Variants in SNRPN observed in about 807,000 individuals in gnomAD.
SNRPN encodes the protein small nuclear ribonucleoprotein polypeptide N.
In SNRPN, 7 loss-of-function variants were observed where a neutral mutation model predicts 25.2. The observed-to-expected ratio is 0.28, with a 90% CI of 0.16 to 0.52. SNRPN has a LOEUF of 0.52. Among genes scored for constraint, SNRPN ranks in the 20% least tolerant of loss-of-function variants. The probability of loss-of-function intolerance (pLI) is 0.96; values close to 1 mark genes in which losing one functional copy is unlikely to be tolerated. For missense variants in SNRPN, 196 were observed against 322.5 expected (o/e 0.61, Z 3.00); for synonymous variants, 124 against 110.6 (o/e 1.12, Z -0.76).
At chr15:24,962,824 CCATTAAAATTTTGATGG>C (rs2075042328) in intron 2 of SNRPN, among the ~76,000 whole-genome samples, 1 of 151,908 alleles carries the variant, frequency 6.6e-6, no homozygotes, top group South Asian at 2.1e-4. Context: ...TTTGTCATTG[CCATTAAAATTTTGATGG>C]CATTAAAATT....
intron 2 of SNRPN, among the ~76,000 whole-genome samples, chr15:24,897,358 G>T (rs912284720): frequency 2.0e-5 from 3 of 152,116 alleles, no homozygotes; most frequent in African/African-American, 7.2e-5. Flanking sequence ...AAACCAAGGT[G>T]GGGGGAATCA....
intron 2 of SNRPN, among the ~76,000 whole-genome samples, chr15:24,889,965 G>T (rs2057533761): frequency 6.7e-6 from 1 of 149,936 alleles, no homozygotes; most frequent in Non-Finnish European, 1.5e-5. Flanking sequence ...CAGGAGAATG[G>T]CTTGAACCCG....
At chr15:24,893,346 G>T (rs138841556) in intron 2 of SNRPN, among the ~76,000 whole-genome samples, 1 of 152,146 alleles carries the variant, frequency 6.6e-6, no homozygotes, top group Admixed American at 6.5e-5. Context: ...GCTGGGTGCC[G>T]TGGCTCATGC....
chr15:24,946,331 T>TG (rs2061881231), intron 3 of SNRPN, among the ~76,000 whole-genome samples: 1 of 152,074 alleles, frequency 6.6e-6, no homozygotes, highest in Admixed American at 6.6e-5. Flanking sequence ...AGCTTCAGCC[T>TG]AGGAGGTCGA....
chr15:24,900,490 C>A (rs1180566772), intron 2 of SNRPN, among the ~76,000 whole-genome samples: 1 of 152,154 alleles, frequency 6.6e-6, no homozygotes, highest in Non-Finnish European at 1.5e-5. Flanking sequence ...AAGAAAATAT[C>A]TTTCCCTTGC....
intron 3 of SNRPN, among the ~76,000 whole-genome samples, chr15:24,930,320 A>T (rs2060726804): frequency 6.6e-6 from 1 of 151,388 alleles, no homozygotes; most frequent in Admixed American, 6.6e-5. Flanking sequence ...CAATGATGAG[A>T]TGGAGAAATA....
chr15:24,949,628 G>A (rs1395020364), intron 3 of SNRPN, among the ~76,000 whole-genome samples: 1 of 152,108 alleles, frequency 6.6e-6, no homozygotes, highest in African/African-American at 2.4e-5. Context: ...TCCAGCCTGG[G>A]TGACAGAGTG....
intron 3 of SNRPN, among the ~76,000 whole-genome samples, chr15:24,942,056 G>T (rs1053313772): frequency 6.6e-6 from 1 of 152,136 alleles, no homozygotes; most frequent in Non-Finnish European, 1.5e-5. Flanking sequence ...GGGATTACAG[G>T]CATGAGCCAC....
chr15:24,933,653 G>C (rs983514856), intron 3 of SNRPN, among the ~76,000 whole-genome samples: 1 of 152,166 alleles, frequency 6.6e-6, no homozygotes, highest in Non-Finnish European at 1.5e-5. Context: ...TCACAGTCAA[G>C]GGAACTGAAC....
At chr15:24,958,030 G>A (rs538679941) in intron 1 of SNRPN, among the ~76,000 whole-genome samples, 5 of 152,218 alleles carry the variant, frequency 3.3e-5, no homozygotes, top group African/African-American at 9.6e-5. Context: ...CCCTTATGTT[G>A]TTGTCTAAGG....
At chr15:24,882,644 G>T (rs1251765225) in intron 1 of SNRPN, among the ~76,000 whole-genome samples, 1 of 151,840 alleles carries the variant, frequency 6.6e-6, no homozygotes, top group Non-Finnish European at 1.5e-5. Context: ...GACCAACATG[G>T]TTAAATCCTG....
At chr15:24,889,299 ATTT>A (rs1472818075) in intron 2 of SNRPN, among the ~76,000 whole-genome samples, 1 of 150,598 alleles carries the variant, frequency 6.6e-6, no homozygotes, top group Non-Finnish European at 1.5e-5. Context: ...AGTAATATTA[ATTT>A]TTTTATTTTT....
chr15:24,856,252 G>C (rs74600749), upstream of SNRPN, among the ~76,000 whole-genome samples: 330 of 152,242 alleles, frequency 2.2e-3, 2 homozygotes, highest in African/African-American at 7.8e-3. Flanking sequence ...GCAGAATTTA[G>C]AACTCACTAT....
intron 3 of SNRPN, among the ~76,000 whole-genome samples, chr15:24,939,788 C>CTT (rs775589448): frequency 5.3e-5 from 7 of 131,178 alleles, no homozygotes; most frequent in African/African-American, 5.6e-5. Context: ...TAGAATTCTT[C>CTT]TTTTTTTTTT....
At chr15:24,975,634 T>A in intron 5 of SNRPN, 125 bp downstream of exon 5, 1 of 746,616 alleles carries the variant, frequency 1.3e-6, no homozygotes, top group South Asian at 1.7e-5. Flanking sequence ...AGCCAGTCTA[T>A]TGTTTAACCT....
chr15:24,867,331 G>T (rs999485915), intron 1 of SNRPN, among the ~76,000 whole-genome samples: 1 of 151,092 alleles, frequency 6.6e-6, no homozygotes. Flanking sequence ...ATCTCATTTT[G>T]ATTTTAATTT....
At chr15:24,828,540 C>T (rs527350393) in intron 1 of SNRPN, among the ~76,000 whole-genome samples, 28 of 152,048 alleles carry the variant, frequency 1.8e-4, no homozygotes, top group African/African-American at 6.5e-4. Flanking sequence ...GAGCGAGACT[C>T]CGTCTCGAAA....
chr15:24,880,925 C>T (rs1385665000), intron 1 of SNRPN, among the ~76,000 whole-genome samples: 2 of 152,106 alleles, frequency 1.3e-5, no homozygotes, highest in Non-Finnish European at 2.9e-5. Flanking sequence ...GATCCTCCCG[C>T]CTTGGCCTCC....
intron 2 of SNRPN, among the ~76,000 whole-genome samples, chr15:24,890,635 C>T (rs891017621): frequency 5.3e-5 from 8 of 152,018 alleles, no homozygotes; most frequent in Admixed American, 4.6e-4. Flanking sequence ...GCCGAGATCG[C>T]GCCATTGCAC....
Sources: gnomAD v4.1 joint callset for allele counts (sites outside exome capture counted in the v4.1 genomes callset) on GRCh38, gnomAD v4.1.1 for gene constraint, MANE v1.5 for transcripts, NCBI Gene and HGNC (gene_info 2026-07-23, HGNC 2026-07-21) for gene names.